The following MLXIP variants were observed in gnomAD, a reference collection of about 807,000 sequenced individuals.
The protein encoded by MLXIP is MLX-interacting protein.
Under a neutral mutation model 87.2 loss-of-function variants are expected in MLXIP, and 30 were observed. The ratio of observed to expected loss-of-function variants is 0.34; its 90% CI spans 0.26 to 0.47. The LOEUF is 0.47. MLXIP is among the 20% of genes least tolerant of loss of function. The pLI, the probability that MLXIP is intolerant of heterozygous loss-of-function variation, is 1.00. For missense variants in MLXIP, 1,002 were observed against 1,240.1 expected (o/e 0.81, Z 2.88); for synonymous variants, 530 against 514.0 (o/e 1.03, Z -0.42).
chr12:122,079,192 C>G lies in MLXIP; in HGVS notation c.339C>G (p.Gly113=). The G allele has an allele frequency of 6.4e-7, 1 of 1,551,354 alleles. No individual in the cohort carries two copies. Among genetic ancestry groups the G allele is most frequent in the Non-Finnish European group, 8.7e-7 (1 of 1,146,848 alleles). ...NKQTCQTYSF[G]KTSSCHLSID... ...AGACGTGCCAGACCTACAGCTTCGG[C>G]AAGACTAGCTCCTGCCACCTGTCCA... Residue 113 remains glycine (G), a synonymous_variant, in exon 1 of 17, where the codon GGC becomes GGG. Coordinates refer to ENST00000319080, the MANE Select transcript of MLXIP (RefSeq NM_014938.6).
intron 1 of MLXIP, among the ~76,000 whole-genome samples, chr12:122,097,112 T>C (rs1209651460): frequency 1.3e-5 from 2 of 152,214 alleles, no homozygotes; most frequent in African/African-American, 2.4e-5. Flanking sequence ...ACTTGCATTG[T>C]CAGAAGAGTG....
chr12:122,094,550 G>T (rs1474430291), intron 1 of MLXIP, among the ~76,000 whole-genome samples: 4 of 135,396 alleles, frequency 3.0e-5, no homozygotes, highest in African/African-American at 1.1e-4. Context: ...TTGGTGTGTG[G>T]GTGTGTTTGC....
At position 122,133,206 on chromosome 12, in the gene MLXIP, C is replaced by G; in HGVS notation, c.1093-142C>G. On this transcript the variant is annotated intron_variant, in intron 8 of 16. Coordinates refer to ENST00000319080, the MANE Select transcript of MLXIP (RefSeq NM_014938.6). This position sits in a 1 kb window ranked among gnomAD's most constrained non-coding sequence, Gnocchi z 4.9. The stretch of plus-strand genomic sequence containing the variant: ...AGGGAAACACAAATCCCTATCAGAT[C>G]AGCAGCCATGGACGTGGAGACGTGG... 1 of 880,476 alleles carries G rather than the reference C, an allele frequency of 1.1e-6. No individual in the cohort carries two copies. 54.5% of individuals were successfully genotyped at this position (880,476 alleles called of 1,614,324 possible).
intron 1 of MLXIP, among the ~76,000 whole-genome samples, chr12:122,109,949 G>A (rs941829508): frequency 6.6e-6 from 1 of 152,150 alleles, no homozygotes; most frequent in African/African-American, 2.4e-5. Flanking sequence ...GGGTGTTACA[G>A]GATCCAGCTA....
chr12:122,105,462 C>G lies in MLXIP; in HGVS notation c.414-21794C>G, dbSNP rs371735998. Among the ~76,000 whole-genome samples, 45 of 152,120 alleles carry G rather than the reference C, an allele frequency of 3.0e-4. No individual in the cohort carries two copies. In the East Asian group the frequency reaches 7.5e-3, roughly 26 times the overall value. On this transcript the variant is annotated intron_variant, in intron 1 of 16. Transcript: ENST00000319080. ...TCCCAGGATCAAGAGATTCTCCTGC[C>G]TCAGCCTCCTGAGTAGCTGGGATTA...
intron 9 of MLXIP, chr12:122,134,474 C>T (rs759494341): frequency 6.3e-6 from 1 of 158,948 alleles, no homozygotes; most frequent in Non-Finnish European, 1.4e-5. Flanking sequence ...TCAAGTGATT[C>T]TCCTGCCTCA....
At position 122,137,497 on chromosome 12, in the gene MLXIP, C is replaced by T; in HGVS notation, c.2061C>T (p.Ala687=). 6.2e-7 allele frequency: 1 copy of T among 1,613,994 alleles called. No homozygotes were observed. Among genetic ancestry groups the T allele is most frequent in the African/African-American group, 1.3e-5 (1 of 75,058 alleles). Residue 687 remains alanine (A), a synonymous_variant, in exon 12 of 17, where the codon GCC becomes GCT. Coordinates refer to ENST00000319080, the MANE Select transcript of MLXIP (RefSeq NM_014938.6). This position sits in a 1 kb window ranked among gnomAD's most constrained non-coding sequence, Gnocchi z 4.1. ...GGGACTGCCCAAACTCAGGGCAGGC[C>T]TCTCCGTGTGCATCGGAGCAGAGCC... The part of the protein sequence containing the change: ...PSRDCPNSGQ[A]SPCASEQSPS...
rs780810877 is a variant in MLXIP, at chr12:122,129,970, C to T, written c.768C>T (p.His256=). The T allele has an allele frequency of 9.9e-6, 16 of 1,613,754 alleles. No homozygotes were observed. The highest frequency in any genetic ancestry group is 3.3e-4 in the Middle Eastern group (2 of 6,060). ...QDDDMLYWHK[H]GDGWKTPVPM... ...ATGACATGCTGTATTGGCACAAGCACGGGGATGGATGGAAGACCCCCGTCC... is the reference window on the plus strand; with the variant it reads ...ATGACATGCTGTATTGGCACAAGCATGGGGATGGATGGAAGACCCCCGTCC... Residue 256 remains histidine, a synonymous_variant, in exon 6 of 17, where the codon CAC becomes CAT. Coordinates refer to ENST00000319080, the MANE Select transcript of MLXIP (RefSeq NM_014938.6).
intron 1 of MLXIP, among the ~76,000 whole-genome samples, chr12:122,122,895 A>T (rs1481679823): frequency 6.9e-6 from 1 of 144,312 alleles, no homozygotes; most frequent in Non-Finnish European, 1.5e-5. Flanking sequence ...GTCTTGTTAT[A>T]TTGCCCAGGC....
Position 122,093,982 on chromosome 12 carries a change from G to A in MLXIP, c.413+14716G>A, listed in dbSNP as rs1334970616. ...GTGTTGGCATGTGTGTGTGGTGTGT[G>A]TGTGTTTGCGGTGTCTGGTGTGGTG... is the stretch of plus-strand genomic sequence containing the variant. On this transcript the variant is annotated intron_variant, in intron 1 of 16. Coordinates refer to ENST00000319080, the MANE Select transcript of MLXIP (RefSeq NM_014938.6). Among the ~76,000 whole-genome samples the A allele has an allele frequency of 9.6e-5, 14 of 146,132 alleles. 1 individual carries two copies. The highest frequency in any genetic ancestry group is 2.2e-4 in the South Asian group (1 of 4,468).
chr12:122,101,019 C>G (rs952952394), intron 1 of MLXIP, among the ~76,000 whole-genome samples: 2 of 152,134 alleles, frequency 1.3e-5, no homozygotes, highest in African/African-American at 2.4e-5. Context: ...GGGCAAAGAT[C>G]CTCAACTCTT....
At chr12:122,111,701 TTTTTC>T (rs1952608529) in intron 1 of MLXIP, among the ~76,000 whole-genome samples, 1 of 152,204 alleles carries the variant, frequency 6.6e-6, no homozygotes, top group African/African-American at 2.4e-5. Flanking sequence ...GTTTTGCTGT[TTTTTC>T]TTTCTAAATT....
In MLXIP at chr12:122,093,389, G is replaced by C. The variant is rs1224115691; in HGVS notation, c.413+14123G>C. On this transcript the variant is annotated intron_variant, in intron 1 of 16. Coordinates refer to ENST00000319080, the MANE Select transcript of MLXIP (RefSeq NM_014938.6). ...TGTGTGTTGGTGTGTGTGGTGTGTG[G>C]GTGGTTATGTGTGTGGTGTGTGTTG... 3.6e-5 allele frequency among the ~76,000 whole-genome samples: 5 copies of C among 139,186 alleles called. No homozygotes were observed. The South Asian group carries it at 1.3e-3, about 35-fold the overall frequency. 91.3% of individuals were successfully genotyped at this position (139,186 alleles called of 152,430 possible).
intron 1 of MLXIP, among the ~76,000 whole-genome samples, chr12:122,095,201 G>A (rs980508334): frequency 0.012 from 1,772 of 145,830 alleles, 30 homozygotes; most frequent in East Asian, 0.04. Context: ...GTGGTGTGTG[G>A]TGTGTTGGTG....
chr12:122,100,787 C>T (rs915127204), intron 1 of MLXIP, among the ~76,000 whole-genome samples: 1 of 152,192 alleles, frequency 6.6e-6, no homozygotes, highest in Non-Finnish European at 1.5e-5. Context: ...TCCTCTGAGT[C>T]AAGTGCACAG....
At chr12:122,107,370 C>T (rs1001813826) in intron 1 of MLXIP, among the ~76,000 whole-genome samples, 3 of 152,136 alleles carry the variant, frequency 2.0e-5, no homozygotes, top group Non-Finnish European at 2.9e-5. Flanking sequence ...TCTCCAGCTC[C>T]GCAGCACCTT....
intron 1 of MLXIP, among the ~76,000 whole-genome samples, chr12:122,122,860 CTTTTTTTTTT>C (rs60568039): frequency 7.0e-6 from 1 of 142,392 alleles, no homozygotes; most frequent in Admixed American, 7.0e-5. Context: ...TTTTCTTTTT[CTTTTTTTTTT>C]TTTAAAGAGA....
chr12:122,108,386 AAAGAC>A (rs1358541275), intron 1 of MLXIP, among the ~76,000 whole-genome samples: 2 of 151,964 alleles, frequency 1.3e-5, no homozygotes, highest in South Asian at 2.1e-4. Context: ...AAAAAAAAAA[AAAGAC>A]AGAATTAGAT....
rs1015956614 is a variant in MLXIP, at chr12:122,142,249, A to T, written c.*437A>T. On this transcript the variant is annotated 3_prime_UTR_variant, in exon 17 of 17. Transcript: ENST00000319080. ...CTGTCCACATGCATGCCTCTGCCTG[A>T]TGCCCTGCTCCACTCTCTGGTCTGC... The T allele has an allele frequency of 4.3e-6, 3 of 698,214 alleles. No individual in the cohort carries two copies. The highest frequency in any genetic ancestry group is 2.0e-5 in the Admixed American group (1 of 49,870). 43.3% of individuals were successfully genotyped at this position (698,214 alleles called of 1,614,324 possible).
Sources: allele counts gnomAD v4.1 joint callset (sites outside exome capture counted in the v4.1 genomes callset), GRCh38; gene constraint gnomAD v4.1.1; non-coding constraint Gnocchi (gnomAD v3.1); transcripts MANE v1.5; gene names NCBI Gene and HGNC (gene_info 2026-07-23, HGNC 2026-07-21).